Variants in PPP1R1C observed in about 807,000 individuals in gnomAD.
The protein encoded by PPP1R1C is protein phosphatase 1 regulatory subunit 1C.
Under a neutral mutation model 17.4 loss-of-function variants are expected in PPP1R1C, and 15 were observed. The ratio of observed to expected loss-of-function variants is 0.86; its 90% CI spans 0.58 to 1.33. PPP1R1C has a LOEUF of 1.33. Ranked by LOEUF, PPP1R1C falls within the 40% of genes most tolerant of loss-of-function variation. The probability of loss-of-function intolerance (pLI) is 0.00; values close to 1 mark genes in which losing one functional copy is unlikely to be tolerated. For synonymous variants in PPP1R1C, 35 were observed against 43.1 expected, an observed-to-expected ratio of 0.81 and a Z score of 0.73; for missense variants, 143 against 130.0, an observed-to-expected ratio of 1.10 and a Z score of -0.48.
intron 1 of PPP1R1C, among the ~76,000 whole-genome samples, chr2:181,972,005 A>G (rs1372064274): frequency 5.3e-5 from 8 of 152,380 alleles, no homozygotes; most frequent in African/African-American, 1.9e-4. Context: ...TGCCTCTTCC[A>G]GTGATATAAA....
At chr2:182,053,231 A>G (rs750749832) in intron 2 of PPP1R1C, among the ~76,000 whole-genome samples, 6 of 152,222 alleles carry the variant, frequency 3.9e-5, no homozygotes, top group African/African-American at 9.6e-5. Flanking sequence ...TTGAAGATGT[A>G]TAATCTAGTT....
intron 4 of PPP1R1C, among the ~76,000 whole-genome samples, chr2:182,095,267 C>T (rs1026342448): frequency 2.0e-5 from 3 of 151,868 alleles, no homozygotes; most frequent in African/African-American, 7.3e-5. Context: ...CCACTGTATT[C>T]CAGCCTGGGT....
Position 181,971,777 on chromosome 2 carries a change from C to T in PPP1R1C, n.112-3442C>T, listed in dbSNP as rs573658497. 8.5e-5 allele frequency among the ~76,000 whole-genome samples: 13 copies of T among 152,286 alleles called. No homozygotes were observed. The East Asian group carries it at 2.5e-3, about 29-fold the overall frequency. On this transcript the variant is annotated intron_variant and non_coding_transcript_variant, in intron 1 of 5. Coordinates refer to the PPP1R1C transcript ENST00000464264. ...ATGGATGATTCCTTTCTGTCTAGGG[C>T]TCATATAAATGCTCCCTCTATAGAT...
At chr2:182,124,194 G>C (rs1468393806) in intron 5 of PPP1R1C, among the ~76,000 whole-genome samples, 2 of 151,926 alleles carry the variant, frequency 1.3e-5, no homozygotes, top group Non-Finnish European at 2.9e-5. Context: ...TGAGGCCTCT[G>C]TTCTGTTCCC....
chr2:182,108,650 A>G (rs1488140574), intron 4 of PPP1R1C, among the ~76,000 whole-genome samples: 3 of 152,076 alleles, frequency 2.0e-5, no homozygotes, highest in Non-Finnish European at 4.4e-5. Context: ...AACTTTCTTC[A>G]TCTAAATCTT....
chr2:182,016,427 G>A (rs946755829), intron 2 of PPP1R1C, among the ~76,000 whole-genome samples: 21 of 152,064 alleles, frequency 1.4e-4, no homozygotes, highest in Admixed American at 5.2e-4. Flanking sequence ...GGTGGGGAGG[G>A]GATGACTGCT....
At chr2:182,077,224 G>A (rs1459771149) in intron 4 of PPP1R1C, among the ~76,000 whole-genome samples, 1 of 149,584 alleles carries the variant, frequency 6.7e-6, no homozygotes, top group African/African-American at 2.6e-5. Flanking sequence ...ACATTAAACT[G>A]TTTGTTTTAA....
At chr2:182,035,661 G>T (rs772465853) in intron 2 of PPP1R1C, among the ~76,000 whole-genome samples, 3 of 151,342 alleles carry the variant, frequency 2.0e-5, no homozygotes, top group Non-Finnish European at 4.4e-5. Context: ...CTCCCCCTTC[G>T]CTCTCTCTCT....
At chr2:181,984,704 A>C (rs1171614546), upstream of PPP1R1C, among the ~76,000 whole-genome samples, 3 of 152,234 alleles carry the variant, frequency 2.0e-5, no homozygotes, top group Non-Finnish European at 4.4e-5. Flanking sequence ...CCTAGTACAG[A>C]ATCAAAATTT....
chr2:181,968,761 T>A (rs1684951890), intron 1 of PPP1R1C, among the ~76,000 whole-genome samples: 1 of 152,080 alleles, frequency 6.6e-6, no homozygotes, highest in Non-Finnish European at 1.5e-5. Context: ...TGTTTTGTGG[T>A]CTTCTCCTCT....
chr2:182,125,512 T>C (rs1689852721), intron 5 of PPP1R1C, among the ~76,000 whole-genome samples: 1 of 152,180 alleles, frequency 6.6e-6, no homozygotes, highest in Non-Finnish European at 1.5e-5. Context: ...AATTTGGCTG[T>C]GAATCCATCT....
intron 2 of PPP1R1C, among the ~76,000 whole-genome samples, chr2:182,001,720 A>C (rs1055291695): frequency 6.6e-5 from 10 of 152,192 alleles, no homozygotes; most frequent in Non-Finnish European, 1.3e-4. Context: ...AAAATCAAAC[A>C]GTTCATTACA....
intron 2 of PPP1R1C, among the ~76,000 whole-genome samples, chr2:181,978,876 C>T (rs529255918): frequency 2.1e-4 from 32 of 152,102 alleles, no homozygotes; most frequent in African/African-American, 6.5e-4. Flanking sequence ...ATAGATACCC[C>T]AATACCCCTA....
intron 4 of PPP1R1C, among the ~76,000 whole-genome samples, chr2:182,089,535 T>A (rs1169440467): frequency 6.6e-6 from 1 of 152,206 alleles, no homozygotes; most frequent in African/African-American, 2.4e-5. Flanking sequence ...TCTTCAATAA[T>A]CATAATTGTT....
chr2:182,096,733 A>G (rs1023014892), intron 4 of PPP1R1C, among the ~76,000 whole-genome samples: 3 of 152,166 alleles, frequency 2.0e-5, no homozygotes, highest in African/African-American at 4.8e-5. Context: ...AGTGAAGGCC[A>G]TAGTTCTCTT....
At chr2:182,064,466 G>A (rs188763834) in intron 4 of PPP1R1C, among the ~76,000 whole-genome samples, 3 of 152,054 alleles carry the variant, frequency 2.0e-5, no homozygotes, top group Admixed American at 6.5e-5. Context: ...TTCCAGTCTG[G>A]TGCTTGGGCT....
At chr2:182,108,215 T>A (rs1689312354) in intron 4 of PPP1R1C, among the ~76,000 whole-genome samples, 1 of 152,084 alleles carries the variant, frequency 6.6e-6, no homozygotes, top group African/African-American at 2.4e-5. Context: ...CAAATATACC[T>A]CAATAAAATA....
chr2:182,090,449 A>G (rs1041644471), intron 4 of PPP1R1C, among the ~76,000 whole-genome samples: 1 of 152,064 alleles, frequency 6.6e-6, no homozygotes, highest in Non-Finnish European at 1.5e-5. Flanking sequence ...CCAATCTTAA[A>G]CAAGTAGTAA....
chr2:182,023,034 A>T (rs1368266755), intron 2 of PPP1R1C, among the ~76,000 whole-genome samples: 1 of 152,244 alleles, frequency 6.6e-6, no homozygotes, highest in African/African-American at 2.4e-5. Flanking sequence ...TCGTATCAAA[A>T]TATAAAGAAA....
Sources: gnomAD v4.1 joint callset for allele counts (sites outside exome capture counted in the v4.1 genomes callset) on GRCh38, gnomAD v4.1.1 for gene constraint, MANE v1.5 for transcripts, NCBI Gene and HGNC (gene_info 2026-07-23, HGNC 2026-07-21) for gene names.